The following TC2N variants were observed in gnomAD, a reference collection of about 807,000 sequenced individuals.
The protein encoded by TC2N is tandem C2 domains nuclear protein.
A neutral mutation model predicts 61.9 loss-of-function variants in TC2N; 51 were observed. The observed-to-expected ratio is 0.82, with a 90% CI of 0.66 to 1.04. The LOEUF is 1.04. Ranked by LOEUF, TC2N falls within the 50% of genes least tolerant of loss-of-function variation. The pLI is 0.00. For synonymous variants in TC2N, 204 were observed against 192.6 expected, an observed-to-expected ratio of 1.06 and a Z score of -0.49; for missense variants, 556 against 566.7, an observed-to-expected ratio of 0.98 and a Z score of 0.19.
In TC2N at chr14:91,798,838, C is replaced by T. The variant is rs1478437162; in HGVS notation, c.637+151G>A. The T allele has an allele frequency of 1.6e-5, 9 of 574,484 alleles. No homozygotes were observed. The Admixed American group carries it at 3.2e-4, about 21-fold the overall frequency. The allele number at this position is 574,484 out of a possible 1,614,324, so 35.6% of individuals were successfully genotyped here. ...TCTGAGTATCCATATGCTGATAACA[C>T]TACCAACATAGTTTTATTTAGACTT... On this transcript the variant is annotated intron_variant, in intron 6 of 11. Coordinates refer to ENST00000435962, the MANE Select transcript of TC2N (RefSeq NM_001128596.3).
chr14:91,804,585 CA>C (rs1464377769), intron 3 of TC2N, among the ~76,000 whole-genome samples: 2 of 152,070 alleles, frequency 1.3e-5, no homozygotes, highest in African/African-American at 4.8e-5. Flanking sequence ...GATACAAAAA[CA>C]AACTAAAACT....
chr14:91,818,096 T>C (rs1265756663), intron 1 of TC2N, among the ~76,000 whole-genome samples: 1 of 152,002 alleles, frequency 6.6e-6, no homozygotes, highest in Non-Finnish European at 1.5e-5. Flanking sequence ...CCATGGGAAA[T>C]TACCCAAGCA....
At chr14:91,809,829 C>G (rs547197244) in intron 3 of TC2N, among the ~76,000 whole-genome samples, 1 of 152,226 alleles carries the variant, frequency 6.6e-6, no homozygotes, top group South Asian at 2.1e-4. Flanking sequence ...CATCTCTGAA[C>G]TACCACCCAA....
At chr14:91,815,552 T>C (rs931748083) in intron 1 of TC2N, among the ~76,000 whole-genome samples, 15 of 151,828 alleles carry the variant, frequency 9.9e-5, no homozygotes, top group African/African-American at 3.4e-4. Context: ...TTGTTCTAAA[T>C]GCACTGCCTT....
chr14:91,843,824 C>A (rs995685420), intron 1 of TC2N, among the ~76,000 whole-genome samples: 1 of 152,128 alleles, frequency 6.6e-6, no homozygotes, highest in Non-Finnish European at 1.5e-5. Flanking sequence ...TTAGTTTACA[C>A]GTTAGTCTCT....
intron 1 of TC2N, among the ~76,000 whole-genome samples, chr14:91,827,021 C>T (rs1887529892): frequency 6.6e-6 from 1 of 152,168 alleles, no homozygotes. Context: ...TCCAGATAAA[C>T]AATCTTTGTC....
Position 91,787,526 on chromosome 14 carries a change from T to C in TC2N, c.1149A>G (p.Thr383=), listed in dbSNP as rs758193586. The stretch of plus-strand genomic sequence containing the variant: ...TGATATACTTACTCAAAGTCAGAGG[T>C]GTTGATGAGCTTGGAAGGTACCGTG... ...LEARYLPSSS[T]PLTLSFFVKV... is the part of the protein sequence containing the mutation. The change falls in exon 10 of 12, where the codon ACA becomes ACG. Residue 383 remains threonine, a synonymous_variant. Transcript: ENST00000435962. 1.2e-6 allele frequency: 2 copies of C among 1,606,958 alleles called. No homozygotes were observed. Among genetic ancestry groups the C allele is most frequent in the Non-Finnish European group, 1.7e-6 (2 of 1,175,856 alleles).
At chr14:91,786,782 A>T (rs1204280964) in intron 10 of TC2N, among the ~76,000 whole-genome samples, 1 of 152,142 alleles carries the variant, frequency 6.6e-6, no homozygotes, top group Non-Finnish European at 1.5e-5. Flanking sequence ...AGATGTGTCT[A>T]TTTTAATGAT....
rs187875560 is a variant in TC2N, at chr14:91,786,643, T to C, written c.1162+870A>G. On this transcript the variant is annotated intron_variant, in intron 10 of 11. Coordinates refer to ENST00000435962, the MANE Select transcript of TC2N (RefSeq NM_001128596.3). ...TATTTTACATAGATACCCAAATAAA[T>C]CGGTATAGCTATATATGGTATTGCT... is the stretch of plus-strand genomic sequence containing the variant. Among the ~76,000 whole-genome samples, 9 of 152,336 alleles carry C rather than the reference T, an allele frequency of 5.9e-5. No individual in the cohort carries two copies. The East Asian group carries it at 1.5e-3, about 26-fold the overall frequency.
chr14:91,795,656 A>G (rs1885861670), intron 8 of TC2N, among the ~76,000 whole-genome samples: 1 of 152,170 alleles, frequency 6.6e-6, no homozygotes, highest in Non-Finnish European at 1.5e-5. Flanking sequence ...GGACTACAGT[A>G]TAAAGATAAC....
chr14:91,792,285 G>A, intron 9 of TC2N, 82 bp downstream of exon 9: 2 of 804,496 alleles, frequency 2.5e-6, no homozygotes, highest in East Asian at 5.1e-5. Context: ...ATTCTATTCA[G>A]GCTATTCTCT....
intron 4 of TC2N, 90 bp from the exon 5 acceptor site, chr14:91,800,462 C>T (rs533373786): frequency 5.0e-5 from 31 of 620,462 alleles, no homozygotes; most frequent in Non-Finnish European, 7.8e-5. Flanking sequence ...AGCAATACAT[C>T]ATGAATATTT....
Position 91,792,367 on chromosome 14 carries a change from A to G in TC2N, c.1047T>C (p.Ser349=). ...SLDITPPSKI[S]VCHAELELGT... ...CTCTTAACATACTATTATCGCTTAC[A>G]GAAATTTTTGAAGGTGGTGTTATAT... The change falls in exon 9 of 12, where the codon TCT becomes TCC. Residue 349 remains serine (S), a splice_region_variant and synonymous_variant. Coordinates refer to ENST00000435962, the MANE Select transcript of TC2N (RefSeq NM_001128596.3). The G allele has an allele frequency of 6.3e-7, 1 of 1,584,000 alleles. No homozygotes were observed. The highest frequency in any genetic ancestry group is 1.2e-5 in the South Asian group (1 of 85,194).
intron 1 of TC2N, among the ~76,000 whole-genome samples, chr14:91,853,872 G>T (rs1451098945): frequency 6.6e-6 from 1 of 151,768 alleles, no homozygotes; most frequent in African/African-American, 2.4e-5. Flanking sequence ...TCTGGCATAA[G>T]CTTCTCCTGT....
intron 1 of TC2N, among the ~76,000 whole-genome samples, chr14:91,849,341 T>C (rs1888328902): frequency 1.3e-5 from 2 of 152,180 alleles, no homozygotes; most frequent in South Asian, 4.1e-4. Flanking sequence ...GTCCTCTTTA[T>C]AGTGACACAA....
intron 1 of TC2N, among the ~76,000 whole-genome samples, chr14:91,830,253 C>G (rs1290282981): frequency 2.0e-5 from 3 of 152,154 alleles, no homozygotes; most frequent in Non-Finnish European, 4.4e-5. Context: ...CACAGATGTT[C>G]ACAGCAGCAG....
intron 1 of TC2N, among the ~76,000 whole-genome samples, chr14:91,816,860 C>T (rs1316889949): frequency 6.6e-6 from 1 of 151,760 alleles, no homozygotes; most frequent in Non-Finnish European, 1.5e-5. Flanking sequence ...ATTTTCTATT[C>T]TCTTCAATTG....
intron 1 of TC2N, among the ~76,000 whole-genome samples, chr14:91,818,819 A>C (rs1027078644): frequency 1.3e-5 from 2 of 152,166 alleles, no homozygotes; most frequent in Non-Finnish European, 2.9e-5. Flanking sequence ...TAGTAAGATA[A>C]ACTAACTAAA....
In TC2N at chr14:91,802,324, A is replaced by G. The variant is rs1886294306; in HGVS notation, c.399T>C (p.Tyr133=). The G allele has an allele frequency of 6.2e-7, 1 of 1,610,108 alleles. No individual in the cohort carries two copies. The highest frequency in any genetic ancestry group is 8.5e-7 in the Non-Finnish European group (1 of 1,178,790). ...GACTCAAATCAGGTGAAATGTGCTG[A>G]TACATATAGAATGGGTTATACACAT... ...SYDVYNPFYM[Y]QHISPDLSRR... Residue 133 remains tyrosine, a synonymous_variant, in exon 4 of 12, where the codon TAT becomes TAC. Transcript: ENST00000435962.
Sources: allele counts gnomAD v4.1 joint callset (sites outside exome capture counted in the v4.1 genomes callset), GRCh38; gene constraint gnomAD v4.1.1; transcripts MANE v1.5; gene names NCBI Gene and HGNC (gene_info 2026-07-23, HGNC 2026-07-21).